Variants in KLHDC8B observed in about 807,000 individuals in gnomAD.
The protein encoded by KLHDC8B is kelch domain containing 8B.
Under a neutral mutation model 26.3 loss-of-function variants are expected in KLHDC8B, and 19 were observed. The observed-to-expected ratio is 0.72, with a 90% CI of 0.50 to 1.06. The LOEUF is 1.06. Ranked by LOEUF, KLHDC8B falls within the 50% of genes least tolerant of loss-of-function variation. The probability of loss-of-function intolerance (pLI) is 0.00; values close to 1 mark genes in which losing one functional copy is unlikely to be tolerated. For missense variants in KLHDC8B, 411 were observed against 488.1 expected (o/e 0.84, Z 1.49); for synonymous variants, 150 against 188.4 (o/e 0.80, Z 1.67).
chr3:49,173,019 G>C lies in KLHDC8B; in HGVS notation c.250G>C (p.Val84Leu). 6.2e-7 allele frequency: 1 copy of C among 1,613,482 alleles called. No homozygotes were observed. Among genetic ancestry groups the C allele is most frequent in the Non-Finnish European group, 8.5e-7 (1 of 1,179,844 alleles). Residue 84 changes from valine to leucine, a missense_variant, in exon 2 of 6, where the codon GTG becomes CTG. By Grantham distance (32) the Val-to-Leu change is conservative. Transcript: ENST00000332780. The stretch of plus-strand genomic sequence containing the variant: ...AGTTCTGGGCAAGCAGGTGCTAGTG[G>C]TGGGTGGTGTGGATGAGGTCCAGAG... ...AVVLGKQVLVVGGVDEVQSPV... is the reference protein window; with the variant it reads ...AVVLGKQVLVLGGVDEVQSPV...
At chr3:49,174,155 AC>A (rs2045796427) in intron 2 of KLHDC8B, 83 bp from the exon 3 acceptor site, 2 of 1,000,710 alleles carry the variant, frequency 2.0e-6, no homozygotes, top group South Asian at 1.7e-5. Flanking sequence ...GTCTCCAGCC[AC>A]CCCCAGGACT....
Position 49,175,605 on chromosome 3 carries a change from G to A in KLHDC8B, c.869G>A (p.Gly290Glu). ...ACAGCCTTCTCTCTCCTTCTTGCAG[G>A]AAACCAGCCATGTCCTTTGGGCTCT... ...GGHIVAIGGL[G>E]NQPCPLGSVE... The change falls in exon 6 of 6, where the codon GGA becomes GAA. Residue 290 changes from glycine to glutamate, a missense_variant and splice_region_variant. Transcript: ENST00000332780. 1 of 1,540,140 alleles carries A rather than the reference G, an allele frequency of 6.5e-7. No individual in the cohort carries two copies. The highest frequency in any genetic ancestry group is 8.7e-7 in the Non-Finnish European group (1 of 1,143,334).
rs759215618 is a variant in KLHDC8B at position 49,175,611 on chromosome 3, A to G, written c.875A>G (p.Gln292Arg). ...TTCTCTCTCCTTCTTGCAGGAAACC[A>G]GCCATGTCCTTTGGGCTCTGTGGAG... ...HIVAIGGLGN[Q>R]PCPLGSVESF... Residue 292 changes from glutamine to arginine, a missense_variant, in exon 6 of 6, where the codon CAG (glutamine) becomes CGG (arginine). Gln to Arg is a conservative substitution (Grantham distance 43). Coordinates refer to ENST00000332780, the MANE Select transcript of KLHDC8B (RefSeq NM_173546.3). The G allele has an allele frequency of 6.5e-7, 1 of 1,543,966 alleles. No individual in the cohort carries two copies. The highest frequency in any genetic ancestry group is 8.7e-7 in the Non-Finnish European group (1 of 1,144,704).
chr3:49,175,172 C>T lies in KLHDC8B; in HGVS notation c.868+9C>T, dbSNP rs371269941. On this transcript the variant is annotated intron_variant, in intron 5 of 5. Transcript: ENST00000332780. ...GGCCATTGGGGGCCTTGGTAAGTCT[C>T]TATGGGGCTGGGGAGAGGAGGGAGT... The T allele has an allele frequency of 6.2e-7, 1 of 1,609,706 alleles. No homozygotes were observed. Among genetic ancestry groups the T allele is most frequent in the African/African-American group, 1.3e-5 (1 of 74,848 alleles).
rs780157377 is a variant in KLHDC8B, at chr3:49,175,631, G to A, written c.895G>A (p.Val299Met). 1 of 1,584,098 alleles carries A rather than the reference G, an allele frequency of 6.3e-7. No individual in the cohort carries two copies. Among genetic ancestry groups the A allele is most frequent in the East Asian group, 2.2e-5 (1 of 44,622 alleles). The stretch of plus-strand genomic sequence containing the variant: ...AAACCAGCCATGTCCTTTGGGCTCT[G>A]TGGAGAGCTTTAGCCTTGCACGGCG... ...LGNQPCPLGS[V>M]ESFSLARRRW... The change falls in exon 6 of 6, where the codon GTG becomes ATG. Residue 299 changes from valine to methionine, a missense_variant. Transcript: ENST00000332780.
At chr3:49,174,081 C>CA in intron 2 of KLHDC8B, 158 bp from the exon 3 acceptor site, 1 of 521,726 alleles carries the variant, frequency 1.9e-6, no homozygotes, top group Non-Finnish European at 3.4e-6. Flanking sequence ...CCAGATCTCC[C>CA]AGCCCCCACT....
In KLHDC8B at chr3:49,171,963, C is replaced by T. The variant is rs146302845; in HGVS notation, c.-135+278C>T. Among the ~76,000 whole-genome samples the T allele has an allele frequency of 3.1e-3, 468 of 152,296 alleles. 3 individuals are homozygous for T. The highest frequency in any genetic ancestry group is 0.011 in the African/African-American group (449 of 41,564). On this transcript the variant is annotated intron_variant, in intron 1 of 5. Transcript: ENST00000332780. ...TCCTGTGGTCATGAGATTTCTCCAA[C>T]GGCCCCCCGCCCCAACCCCACTTCT...
intron 5 of KLHDC8B, 90 bp from the exon 6 acceptor site, chr3:49,175,515 C>A (rs2107660498): frequency 2.2e-6 from 2 of 922,994 alleles, no homozygotes; most frequent in Non-Finnish European, 1.7e-6. Flanking sequence ...GGGGTGATAA[C>A]TACTGGGCTA....
In KLHDC8B at chr3:49,175,738, T is replaced by C. The variant is rs970528796; in HGVS notation, c.1002T>C (p.Ile334=). The stretch of plus-strand genomic sequence containing the variant: ...AGGCTGGGCCCCGGCTGTTTGTTAT[T>C]GGGGGTGTGGCCCAGGGCCCCAGTC... The part of the protein sequence containing the change: ...SLQAGPRLFV[I]GGVAQGPSQA... The change falls in exon 6 of 6, where the codon ATT becomes ATC. Residue 334 remains isoleucine, a synonymous_variant. Coordinates refer to ENST00000332780, the MANE Select transcript of KLHDC8B (RefSeq NM_173546.3). 1.2e-6 allele frequency: 2 copies of C among 1,614,000 alleles called. No homozygotes were observed. The highest frequency in any genetic ancestry group is 1.7e-6 in the Non-Finnish European group (2 of 1,179,986).
chr3:49,172,209 C>T (rs2045773469), intron 1 of KLHDC8B, among the ~76,000 whole-genome samples: 1 of 152,082 alleles, frequency 6.6e-6, no homozygotes, highest in Non-Finnish European at 1.5e-5. Context: ...TGACAGCAGG[C>T]GTGGGGACCC....
At chr3:49,175,324 G>T in intron 5 of KLHDC8B, 161 bp downstream of exon 5, 2 of 652,240 alleles carry the variant, frequency 3.1e-6, no homozygotes, top group Non-Finnish European at 5.2e-6. Context: ...GGTCTGCCTG[G>T]CCCAGCACTC....
chr3:49,175,271 G>C lies in KLHDC8B; in HGVS notation c.868+108G>C. 3.6e-6 allele frequency: 3 copies of C among 827,400 alleles called. No homozygotes were observed. In the South Asian group the frequency reaches 5.1e-5, roughly 14 times the overall value. 51.3% of individuals were successfully genotyped at this position (827,400 alleles called of 1,614,324 possible). On this transcript the variant is annotated intron_variant, in intron 5 of 5. Coordinates refer to ENST00000332780, the MANE Select transcript of KLHDC8B (RefSeq NM_173546.3). ...ATCTCCAGGCACTCCAGGGGTCAGG[G>C]CTTTGTGAGCTCTTTTCCCTATCTA... is the stretch of plus-strand genomic sequence containing the variant.
At chr3:49,173,236 A>G in intron 2 of KLHDC8B, 91 bp downstream of exon 2, 1 of 1,341,246 alleles carries the variant, frequency 7.5e-7, no homozygotes, top group Non-Finnish European at 1.0e-6. Flanking sequence ...ACTGAACAAG[A>G]GCTGTAATTT....
In KLHDC8B at chr3:49,172,735, G is replaced by A. The variant is rs780256569; in HGVS notation, c.-35G>A. 1.3e-6 allele frequency: 2 copies of A among 1,589,056 alleles called. No individual in the cohort carries two copies. The highest frequency in any genetic ancestry group is 1.7e-5 in the Admixed American group (1 of 59,088). On this transcript the variant is annotated 5_prime_UTR_variant, in exon 2 of 6. Transcript: ENST00000332780. ...CTCCCCAGTGAGGCCTACAGTCTGA[G>A]CAGACAGCATGGCCTGCCACTGGCA...
At position 49,174,280 on chromosome 3, in the gene KLHDC8B, GC is replaced by G. The variant is rs746965062; in HGVS notation, c.424del (p.Gln142ArgfsTer48). ...TCTGGGGGGAATGGGCCCTGACACG[GC>G]CCCCCAGGCCCAGGTACGTGTGTAT... ...YALGGMGPDTAPQAQVRVYEP... is the reference protein window; with the variant it reads ...YALGGMGPDTXPQAQVRVYEP... On this transcript the variant is annotated frameshift_variant, in exon 3 of 6. Transcript: ENST00000332780. LOFTEE classifies it high-confidence loss of function. 1 of 1,613,494 alleles carries G rather than the reference GC, an allele frequency of 6.2e-7. No individual in the cohort carries two copies. Among genetic ancestry groups the G allele is most frequent in the Non-Finnish European group, 8.5e-7 (1 of 1,179,638 alleles).
At chr3:49,174,994 TC>T (rs1256049098) in intron 4 of KLHDC8B, 28 bp downstream of exon 4, 1 of 1,613,822 alleles carries the variant, frequency 6.2e-7, no homozygotes, top group African/African-American at 1.3e-5. Context: ...TGGGCTGTCC[TC>T]CCGCTCTCTG....
chr3:49,172,925 G>C lies in KLHDC8B; in HGVS notation c.156G>C (p.Leu52=). Residue 52 remains leucine (L), a synonymous_variant, in exon 2 of 6, where the codon CTG becomes CTC. Transcript: ENST00000332780. Reference sequence around the variant, plus strand: ...TGCCCCTGGACACTGCTGAGACACTGGACATGGCCTCGCACACATGGCTGG... The same window carrying C: ...TGCCCCTGGACACTGCTGAGACACTCGACATGGCCTCGCACACATGGCTGG... The part of the protein sequence containing the change: ...AGLPLDTAET[L]DMASHTWLAL... The C allele has an allele frequency of 6.2e-7, 1 of 1,614,092 alleles. No individual in the cohort carries two copies. Among genetic ancestry groups the C allele is most frequent in the Non-Finnish European group, 8.5e-7 (1 of 1,180,012 alleles).
rs781568502 is a variant in KLHDC8B, at chr3:49,175,797, T to C, written c.1061T>C (p.Val354Ala). 8 of 1,613,764 alleles carry C rather than the reference T, an allele frequency of 5.0e-6. No individual in the cohort carries two copies. Among genetic ancestry groups the C allele is most frequent in the Non-Finnish European group, 5.9e-6 (7 of 1,179,948 alleles). Residue 354 changes from valine (V) to alanine (A), a missense_variant, in exon 6 of 6, where the codon GTC becomes GCC. Transcript: ENST00000332780. ...AVEALCLRDGV is the reference protein window; with the variant it reads ...AVEALCLRDGA ...GAGGCACTGTGTCTGCGTGATGGGG[T>C]CTGAAGGCTTGGTGGGAGCTGTCCA... is the stretch of plus-strand genomic sequence containing the variant.
chr3:49,175,296 A>G (rs2045816271), intron 5 of KLHDC8B, 133 bp downstream of exon 5: 4 of 715,826 alleles, frequency 5.6e-6, no homozygotes, highest in African/African-American at 1.8e-5. Context: ...TTCCCTATCT[A>G]TGAAGTAGGC....
Sources: allele counts gnomAD v4.1 joint callset (sites outside exome capture counted in the v4.1 genomes callset), GRCh38; gene constraint gnomAD v4.1.1; transcripts MANE v1.5; gene names NCBI Gene and HGNC (gene_info 2026-07-23, HGNC 2026-07-21).